GPC6: variants seen among roughly 807,000 people sequenced by gnomAD.
The protein encoded by GPC6 is glypican-6.
In GPC6, 14 loss-of-function variants were observed where a neutral mutation model predicts 55.2. The ratio of observed to expected loss-of-function variants is 0.25; its 90% CI spans 0.17 to 0.40. The LOEUF (loss-of-function observed/expected upper bound fraction) is 0.40. GPC6 is among the 10% of genes least tolerant of loss of function. GPC6 has a pLI of 1.00. For synonymous variants in GPC6, 278 were observed against 259.6 expected (o/e 1.07, Z -0.68); for missense variants, 641 against 708.5 (o/e 0.90, Z 1.08).
At chr13:93,789,634 T>TATATATAATACTAC in intron 2 of GPC6, among the ~76,000 whole-genome samples, 3 of 93,112 alleles carry the variant, frequency 3.2e-5, no homozygotes, top group Non-Finnish European at 6.5e-5. Context: ...TATATATATA[T>TATATATAATACTAC]ATATATATAT....
intron 4 of GPC6, among the ~76,000 whole-genome samples, chr13:94,110,405 A>G (rs1886202956): frequency 6.6e-6 from 1 of 152,082 alleles, no homozygotes; most frequent in Non-Finnish European, 1.5e-5. Context: ...TCTGCCTATT[A>G]TAGTAAGTGA....
intron 3 of GPC6, among the ~76,000 whole-genome samples, chr13:93,978,900 G>A (rs1880645490): frequency 6.6e-6 from 1 of 152,034 alleles, no homozygotes; most frequent in Non-Finnish European, 1.5e-5. Context: ...ATTTTGAATG[G>A]TTATAGTCAA....
Position 94,123,689 on chromosome 13 carries a change from G to A in GPC6, c.877+95795G>A, listed in dbSNP as rs564334853. ...TGTGTGTGTGTTTGTATGCATGCAC[G>A]CATATGTTTGTATTTGAAAAGGGAG... On this transcript the variant is annotated intron_variant, in intron 4 of 8. Transcript: ENST00000377047. Among the ~76,000 whole-genome samples, 111 of 152,018 alleles carry A rather than the reference G, an allele frequency of 7.3e-4. 1 individual carries two copies. Among genetic ancestry groups the A allele is most frequent in the African/African-American group, 2.5e-3 (102 of 41,492 alleles).
chr13:93,383,863 T>G, intron 1 of GPC6, among the ~76,000 whole-genome samples: 1 of 152,254 alleles, frequency 6.6e-6, no homozygotes, highest in Non-Finnish European at 1.5e-5. Flanking sequence ...TTTCTGAATA[T>G]TCCATCATAT....
In GPC6 at chr13:94,206,151, T is replaced by G. The variant is rs1352344576; in HGVS notation, c.878-80198T>G. ...TCTTAAGCTCCCTGGAAATTTATAT[T>G]TATAAAATAATGGGAAACTGAATCA... is the stretch of plus-strand genomic sequence containing the variant. On this transcript the variant is annotated intron_variant, in intron 4 of 8. Transcript: ENST00000377047. Among the ~76,000 whole-genome samples the G allele has an allele frequency of 2.6e-5, 4 of 152,302 alleles. No individual in the cohort carries two copies. The East Asian group carries it at 7.7e-4, about 29-fold the overall frequency.
chr13:93,834,183 G>A (rs947444570), intron 3 of GPC6, among the ~76,000 whole-genome samples: 1 of 152,130 alleles, frequency 6.6e-6, no homozygotes, highest in Non-Finnish European at 1.5e-5. Context: ...GTGTAGAAGA[G>A]TGTTTGTAGC....
intron 2 of GPC6, among the ~76,000 whole-genome samples, chr13:93,667,437 AT>A (rs199850025): frequency 0.02 from 2,892 of 142,416 alleles, 64 homozygotes; most frequent in African/African-American, 0.057. Context: ...GAAGTTCTGG[AT>A]TTTTTTTTTT....
At chr13:93,811,762 G>A (rs187920383) in intron 2 of GPC6, among the ~76,000 whole-genome samples, 202 of 152,254 alleles carry the variant, frequency 1.3e-3, no homozygotes, top group Middle Eastern at 6.8e-3. Flanking sequence ...AATTGGGAAG[G>A]AATTGCTGTG....
chr13:94,221,292 A>G (rs933370832), intron 4 of GPC6, among the ~76,000 whole-genome samples: 1 of 152,168 alleles, frequency 6.6e-6, no homozygotes, highest in South Asian at 2.1e-4. Flanking sequence ...ATATTTTCCC[A>G]GAAGTAAACC....
At chr13:93,626,821 C>G (rs548750409) in intron 2 of GPC6, among the ~76,000 whole-genome samples, 1 of 150,098 alleles carries the variant, frequency 6.7e-6, no homozygotes, top group East Asian at 2.0e-4. Flanking sequence ...AAAAAAAAAT[C>G]CTAAGACTGG....
At chr13:94,229,383 C>G (rs1890652167) in intron 4 of GPC6, among the ~76,000 whole-genome samples, 1 of 152,138 alleles carries the variant, frequency 6.6e-6, no homozygotes, top group African/African-American at 2.4e-5. Flanking sequence ...GTAGAAATAT[C>G]ATGAGAATAT....
chr13:93,593,982 C>G (rs1877608924), intron 2 of GPC6, among the ~76,000 whole-genome samples: 1 of 151,800 alleles, frequency 6.6e-6, no homozygotes, highest in African/African-American at 2.4e-5. Flanking sequence ...TAAATAGGGA[C>G]AGTGGAAAAT....
intron 7 of GPC6, among the ~76,000 whole-genome samples, chr13:94,391,694 G>A (rs1406919581): frequency 6.6e-6 from 1 of 152,130 alleles, no homozygotes; most frequent in African/African-American, 2.4e-5. Context: ...TAGTTTTGTG[G>A]CATTAAGTGC....
Position 93,709,085 on chromosome 13 carries a change from G to T in GPC6, c.320-121069G>T, listed in dbSNP as rs533811053. Among the ~76,000 whole-genome samples the T allele has an allele frequency of 3.3e-5, 5 of 151,836 alleles. No homozygotes were observed. In the East Asian group the frequency reaches 9.8e-4, roughly 30 times the overall value. ...ACAAATTAAGTGAGAATATTATTTTGCAACCAAGAAAATAATTTCCATTGC... is the reference window on the plus strand; with the variant it reads ...ACAAATTAAGTGAGAATATTATTTTTCAACCAAGAAAATAATTTCCATTGC... On this transcript the variant is annotated intron_variant, in intron 2 of 8. Coordinates refer to ENST00000377047, the MANE Select transcript of GPC6 (RefSeq NM_005708.5).
At chr13:94,002,765 G>A (rs1379515081) in intron 3 of GPC6, among the ~76,000 whole-genome samples, 1 of 152,020 alleles carries the variant, frequency 6.6e-6, no homozygotes, top group Admixed American at 6.6e-5. Flanking sequence ...ATAATTAGTG[G>A]CAGCCCTTAA....
At chr13:94,121,081 G>C (rs775202385) in intron 4 of GPC6, among the ~76,000 whole-genome samples, 1 of 152,086 alleles carries the variant, frequency 6.6e-6, no homozygotes, top group Non-Finnish European at 1.5e-5. Flanking sequence ...TGTTAATGGA[G>C]AATCAACGCT....
intron 2 of GPC6, among the ~76,000 whole-genome samples, chr13:93,789,501 CTCTCTCTCTATA>C (rs1286337595): frequency 2.7e-4 from 21 of 78,966 alleles, no homozygotes; most frequent in Non-Finnish European, 4.8e-4. Context: ...CTCTCTCTCT[CTCTCTCTCTATA>C]TATATATATA....
intron 4 of GPC6, among the ~76,000 whole-genome samples, chr13:94,151,856 CAT>C (rs1887754957): frequency 6.6e-6 from 1 of 152,080 alleles, no homozygotes; most frequent in Admixed American, 6.6e-5. Context: ...GAGTAAGTAA[CAT>C]AAAGTCTAGT....
intron 6 of GPC6, among the ~76,000 whole-genome samples, chr13:94,373,177 G>A (rs1348590753): frequency 1.8e-4 from 28 of 152,154 alleles, no homozygotes; most frequent in East Asian, 1.2e-3. Context: ...CCAAAGGAAC[G>A]CAGTTCCTCA....
Sources: allele counts gnomAD v4.1 joint callset (sites outside exome capture counted in the v4.1 genomes callset), GRCh38; gene constraint gnomAD v4.1.1; transcripts MANE v1.5; gene names NCBI Gene and HGNC (gene_info 2026-07-23, HGNC 2026-07-21).